The following PKP4 variants were observed in gnomAD, a reference collection of about 807,000 sequenced individuals.
PKP4 encodes the protein plakophilin 4, also known as plakophilin-4.
PKP4 carries 90 observed loss-of-function variants against 145.1 expected under a neutral mutation model. That is an observed-to-expected ratio of 0.62 (90% CI 0.52 to 0.74). The LOEUF (loss-of-function observed/expected upper bound fraction) is 0.74, where lower values mean the gene tolerates loss of function less well. Ranked by LOEUF, PKP4 falls within the 30% of genes least tolerant of loss-of-function variation. PKP4 has a pLI of 0.00. For missense variants in PKP4, 1,340 were observed against 1,482.7 expected (o/e 0.90, Z 1.58); for synonymous variants, 563 against 577.2 (o/e 0.98, Z 0.35).
rs1401410058 is a variant in PKP4, at chr2:158,680,927, G to A, written c.*250G>A. 1 of 385,602 alleles carries A rather than the reference G, an allele frequency of 2.6e-6. No individual in the cohort carries two copies. Among genetic ancestry groups the A allele is most frequent in the African/African-American group, 2.1e-5 (1 of 48,662 alleles). The allele number at this position is 385,602 out of a possible 1,614,324, so 23.9% of individuals were successfully genotyped here. A position where few individuals can be genotyped will look rare whatever the true frequency, so the allele number is the denominator to read the frequency against. On this transcript the variant is annotated 3_prime_UTR_variant, in exon 22 of 22. Transcript: ENST00000389759. ...TCTGTAGTCTGGTGAAGGTGTGGGT[G>A]ACGTGATGAGAGGTTTGAGAAATGG...
intron 3 of PKP4, among the ~76,000 whole-genome samples, chr2:158,587,494 A>G (rs1467860337): frequency 6.6e-6 from 1 of 152,088 alleles, no homozygotes; most frequent in Non-Finnish European, 1.5e-5. Flanking sequence ...TAGGTTATAC[A>G]GGATATTTCA....
intron 2 of PKP4, among the ~76,000 whole-genome samples, chr2:158,539,095 A>G (rs1032172344): frequency 1.1e-4 from 16 of 152,180 alleles, no homozygotes; most frequent in East Asian, 7.7e-4. Context: ...ACCACTTTCA[A>G]TATATTTTCT....
intron 3 of PKP4, among the ~76,000 whole-genome samples, chr2:158,601,641 TGGA>T (rs1313971093): frequency 6.6e-6 from 1 of 152,190 alleles, no homozygotes; most frequent in Non-Finnish European, 1.5e-5. Context: ...CACAGAGCCC[TGGA>T]GGAGATTAGC....
chr2:158,616,410 G>T (rs778890178), intron 4 of PKP4, among the ~76,000 whole-genome samples: 4 of 152,176 alleles, frequency 2.6e-5, no homozygotes, highest in Non-Finnish European at 4.4e-5. Flanking sequence ...TAAGCCTGTG[G>T]TCCTACAGGA....
At chr2:158,674,873 G>A (rs1490105577) in intron 19 of PKP4, among the ~76,000 whole-genome samples, 3 of 152,158 alleles carry the variant, frequency 2.0e-5, no homozygotes, top group Non-Finnish European at 4.4e-5. Flanking sequence ...TATTTCTCAT[G>A]TGGACAAATG....
Position 158,621,124 on chromosome 2 carries a change from CTGTTG to C in PKP4, c.412+8_412+12del. Reference sequence around the variant, plus strand: ...GACATCTCTCCATGAAAGTGAGGGTCTGTTGTGTTATCTTTTAAGTACTGGATTTG... The same window carrying C: ...GACATCTCTCCATGAAAGTGAGGGTCTGTTATCTTTTAAGTACTGGATTTG... On this transcript the variant is annotated splice_donor_5th_base_variant and intron_variant, in intron 5 of 21. Transcript: ENST00000389759. The C allele has an allele frequency of 6.2e-7, 1 of 1,614,094 alleles. No individual in the cohort carries two copies. The highest frequency in any genetic ancestry group is 1.1e-5 in the South Asian group (1 of 91,070).
At chr2:158,621,638 C>T (rs529744437) in intron 6 of PKP4, among the ~76,000 whole-genome samples, 10 of 151,564 alleles carry the variant, frequency 6.6e-5, no homozygotes, top group African/African-American at 2.2e-4. Flanking sequence ...CTCAGCAACT[C>T]GGGAGGCTGA....
intron 1 of PKP4, among the ~76,000 whole-genome samples, chr2:158,493,912 G>T (rs1467305908): frequency 6.6e-6 from 1 of 151,998 alleles, no homozygotes; most frequent in Non-Finnish European, 1.5e-5. Flanking sequence ...TCATTCTCCA[G>T]TGTGATTATT....
intron 1 of PKP4, among the ~76,000 whole-genome samples, chr2:158,495,746 A>G (rs1435138661): frequency 1.3e-5 from 2 of 151,464 alleles, no homozygotes; most frequent in East Asian, 2.0e-4. Flanking sequence ...AGGCAGGGTA[A>G]TTGTGTGAAC....
intron 3 of PKP4, among the ~76,000 whole-genome samples, chr2:158,596,756 C>G (rs1255950578): frequency 6.6e-6 from 1 of 152,130 alleles, no homozygotes; most frequent in Non-Finnish European, 1.5e-5. Flanking sequence ...TGTCATGACA[C>G]AGAGGGGGAG....
intron 9 of PKP4, among the ~76,000 whole-genome samples, chr2:158,636,379 G>T (rs962435364): frequency 1.3e-5 from 2 of 151,808 alleles, no homozygotes; most frequent in African/African-American, 4.8e-5. Flanking sequence ...CGTTGTTTCT[G>T]TTGATAAGGC....
At chr2:158,492,165 T>A (rs922708278) in intron 1 of PKP4, among the ~76,000 whole-genome samples, 1 of 151,578 alleles carries the variant, frequency 6.6e-6, no homozygotes, top group Non-Finnish European at 1.5e-5. Context: ...GCACCTGGAG[T>A]CTACGTTGTG....
chr2:158,526,179 C>CA (rs1305477682), intron 1 of PKP4, among the ~76,000 whole-genome samples: 1 of 127,216 alleles, frequency 7.9e-6, no homozygotes, highest in Non-Finnish European at 1.7e-5. Flanking sequence ...GAGACACAAC[C>CA]AAAAAAGAGA....
At chr2:158,612,768 A>G (rs1177267971) in intron 4 of PKP4, among the ~76,000 whole-genome samples, 1 of 152,192 alleles carries the variant, frequency 6.6e-6, no homozygotes, top group African/African-American at 2.4e-5. Flanking sequence ...TTTAAATATC[A>G]TTATTAACTA....
At chr2:158,678,746 A>G in intron 21 of PKP4, 92 bp downstream of exon 21, 1 of 861,920 alleles carries the variant, frequency 1.2e-6, no homozygotes, top group South Asian at 1.3e-5. Flanking sequence ...CTGGGCCAAC[A>G]TGGCAGGGTC....
rs781193292 is a variant in PKP4 at position 158,658,178 on chromosome 2, A to G, written c.1957A>G (p.Ile653Val). ...ATGTGATGCTGTAAAAATGACAATC[A>G]TTCGAGATGCTCTCTCAACCTTAAC... ...SSCDAVKMTI[I>V]RDALSTLTNT... Residue 653 changes from isoleucine to valine, a missense_variant, in exon 12 of 22, where the codon ATT (isoleucine) becomes GTT (valine). Coordinates refer to ENST00000389759, the MANE Select transcript of PKP4 (RefSeq NM_003628.6). 1.9e-6 allele frequency: 3 copies of G among 1,607,462 alleles called. No individual in the cohort carries two copies. The highest frequency in any genetic ancestry group is 2.6e-6 in the Non-Finnish European group (3 of 1,174,950).
chr2:158,509,810 G>A (rs1175180346), intron 1 of PKP4, among the ~76,000 whole-genome samples: 2 of 152,116 alleles, frequency 1.3e-5, no homozygotes, highest in South Asian at 2.1e-4. Context: ...AGCCAGGCGT[G>A]GTGGCACATG....
chr2:158,648,098 C>G (rs1399412960), intron 11 of PKP4, among the ~76,000 whole-genome samples: 1 of 152,188 alleles, frequency 6.6e-6, no homozygotes, highest in Non-Finnish European at 1.5e-5. Context: ...TTCTATTACC[C>G]TCTTAAATAC....
At chr2:158,468,457 A>T (rs1690998995) in intron 1 of PKP4, among the ~76,000 whole-genome samples, 1 of 152,068 alleles carries the variant, frequency 6.6e-6, no homozygotes, top group Admixed American at 6.6e-5. Context: ...GTTTTGTTAT[A>T]TTTTTTTCTT....
Sources: allele counts gnomAD v4.1 joint callset (sites outside exome capture counted in the v4.1 genomes callset), GRCh38; gene constraint gnomAD v4.1.1; transcripts MANE v1.5; gene names NCBI Gene and HGNC (gene_info 2026-07-23, HGNC 2026-07-21).